Variants in DISC1 observed in about 807,000 individuals in gnomAD.
DISC1 encodes the protein DISC1 scaffold protein, also known as disrupted in schizophrenia 1 protein.
In DISC1, 57 loss-of-function variants were observed where a neutral mutation model predicts 84.5. That is an observed-to-expected ratio of 0.67 (90% CI 0.55 to 0.84). The LOEUF is 0.84. DISC1 is among the 40% of genes least tolerant of loss of function. DISC1 has a pLI of 0.00. For missense variants in DISC1, 1,000 were observed against 1,057.8 expected (o/e 0.95, Z 0.76); for synonymous variants, 411 against 415.2 (o/e 0.99, Z 0.12).
chr1:231,803,434 T>C (rs9432008), intron 8 of DISC1, among the ~76,000 whole-genome samples: 18,243 of 152,170 alleles, frequency 0.12, 1,213 homozygotes, highest in East Asian at 0.27. Flanking sequence ...GCTGGGTGGC[T>C]CTGACTCAGG....
At chr1:231,705,841 T>G (rs1473134116) in intron 3 of DISC1, among the ~76,000 whole-genome samples, 1 of 152,344 alleles carries the variant, frequency 6.6e-6, no homozygotes, top group African/African-American at 2.4e-5. Flanking sequence ...GCAGCCCTGT[T>G]CTGTCTCAGG....
At chr1:231,871,597 C>A (rs1558674392) in intron 9 of DISC1, among the ~76,000 whole-genome samples, 1 of 152,170 alleles carries the variant, frequency 6.6e-6, no homozygotes, top group Non-Finnish European at 1.5e-5. Flanking sequence ...CAGGTTCTAC[C>A]ATAGTTAGCC....
At chr1:231,849,655 A>G (rs1198217042) in intron 9 of DISC1, among the ~76,000 whole-genome samples, 1 of 152,224 alleles carries the variant, frequency 6.6e-6, no homozygotes, top group East Asian at 1.9e-4. Context: ...TTCCAAGTGT[A>G]TGATTTTAGG....
intron 9 of DISC1, among the ~76,000 whole-genome samples, chr1:231,887,256 C>G (rs1460881348): frequency 6.6e-6 from 1 of 152,208 alleles, no homozygotes; most frequent in Non-Finnish European, 1.5e-5. Context: ...TGAAGCAACT[C>G]TTAAAGACAG....
intron 1 of DISC1, among the ~76,000 whole-genome samples, chr1:231,651,363 C>T (rs2060607808): frequency 6.6e-6 from 1 of 152,212 alleles, no homozygotes; most frequent in African/African-American, 2.4e-5. Context: ...GAGGTCCACT[C>T]CAGACCCTGT....
chr1:231,923,015 C>T (rs1211181704), intron 9 of DISC1, among the ~76,000 whole-genome samples: 5 of 152,150 alleles, frequency 3.3e-5, no homozygotes, highest in Non-Finnish European at 5.9e-5. Flanking sequence ...TGGTGGCTCA[C>T]GCCTGCAATC....
chr1:231,776,787 A>G (rs557542758), intron 6 of DISC1, among the ~76,000 whole-genome samples: 5 of 152,216 alleles, frequency 3.3e-5, no homozygotes, highest in African/African-American at 9.6e-5. Flanking sequence ...CCTCAGAAAC[A>G]TATCTTATTA....
chr1:231,870,634 TG>T (rs1452580424), intron 9 of DISC1, among the ~76,000 whole-genome samples: 1 of 152,134 alleles, frequency 6.6e-6, no homozygotes, highest in African/African-American at 2.4e-5. Context: ...GTGGCATGTT[TG>T]GGGCTTGGGA....
At chr1:231,759,898 C>T (rs1024241364) in intron 4 of DISC1, among the ~76,000 whole-genome samples, 2 of 152,048 alleles carry the variant, frequency 1.3e-5, no homozygotes, top group African/African-American at 4.8e-5. Context: ...AAGTTGTGAG[C>T]CACAGAGGAC....
intron 6 of DISC1, among the ~76,000 whole-genome samples, chr1:231,789,758 T>C (rs904544028): frequency 6.6e-6 from 1 of 152,134 alleles, no homozygotes; most frequent in Non-Finnish European, 1.5e-5. Context: ...TTAAATTCCA[T>C]TTGCCCTTCT....
At chr1:231,847,203 T>C (rs1041465291) in intron 9 of DISC1, among the ~76,000 whole-genome samples, 3 of 152,142 alleles carry the variant, frequency 2.0e-5, no homozygotes, top group African/African-American at 4.8e-5. Context: ...TCTCCCTGCG[T>C]CCTCCCTCAC....
chr1:231,940,082 C>T (rs2091226145), intron 9 of DISC1, among the ~76,000 whole-genome samples: 1 of 151,872 alleles, frequency 6.6e-6, no homozygotes, highest in African/African-American at 2.4e-5. Flanking sequence ...AGCTGTTTCC[C>T]TCCTCCATGA....
intron 6 of DISC1, among the ~76,000 whole-genome samples, chr1:231,781,947 A>T (rs1025782063): frequency 6.6e-6 from 1 of 152,198 alleles, no homozygotes. Flanking sequence ...CTGAGAATTT[A>T]ATCAGTTAAG....
Position 231,954,035 on chromosome 1 carries a change from C to T in DISC1, c.1982-4793C>T, listed in dbSNP as rs1658957680. Among the ~76,000 whole-genome samples, 1 of 152,226 alleles carries T rather than the reference C, an allele frequency of 6.6e-6. No individual in the cohort carries two copies. ...GTTGGACTTCCTCCCACTTAACATT[C>T]TCCTACCTTCCGTGTTGACATTCTT... On this transcript the variant is annotated intron_variant, in intron 9 of 12. Coordinates refer to ENST00000439617, the MANE Select transcript of DISC1 (RefSeq NM_018662.3). The surrounding 1 kb of genome is among the most constrained non-coding windows in gnomAD (Gnocchi z 4.8).
At chr1:231,937,396 C>G (rs943276400) in intron 9 of DISC1, among the ~76,000 whole-genome samples, 5 of 152,202 alleles carry the variant, frequency 3.3e-5, no homozygotes, top group Admixed American at 6.5e-5. Context: ...GCATTTAGTG[C>G]TTTCAGAGAT....
intron 3 of DISC1, among the ~76,000 whole-genome samples, chr1:231,742,132 TCTA>T (rs758414721): frequency 3.5e-4 from 54 of 152,212 alleles, no homozygotes; most frequent in Non-Finnish European, 6.8e-4. Context: ...CTCTCCCTCA[TCTA>T]CTACTTTCCC....
Position 232,021,520 on chromosome 1 carries a change from G to A in DISC1, c.2308-4915G>A, listed in dbSNP as rs1287397148. ...GCCTAATGGCCATAGTGCCCTGCAT[G>A]GGTAGGAGTTCCCCTCCCTGAGAGA... On this transcript the variant is annotated intron_variant, in intron 11 of 12. Coordinates refer to ENST00000439617, the MANE Select transcript of DISC1 (RefSeq NM_018662.3). Among the ~76,000 whole-genome samples, 7 of 152,298 alleles carry A rather than the reference G, an allele frequency of 4.6e-5. No individual in the cohort carries two copies. The East Asian group carries it at 1.4e-3, about 29-fold the overall frequency.
At chr1:231,700,161 A>T (rs1360405444) in intron 2 of DISC1, among the ~76,000 whole-genome samples, 2 of 152,080 alleles carry the variant, frequency 1.3e-5, no homozygotes, top group African/African-American at 4.8e-5. Flanking sequence ...AGCATTAATC[A>T]CTTGCTAAGG....
chr1:231,882,100 T>C (rs2086330529), intron 9 of DISC1, among the ~76,000 whole-genome samples: 1 of 152,206 alleles, frequency 6.6e-6, no homozygotes, highest in African/African-American at 2.4e-5. Flanking sequence ...CTTTCAGGCT[T>C]TGCGGGCACA....
Sources: allele counts gnomAD v4.1 joint callset (sites outside exome capture counted in the v4.1 genomes callset), GRCh38; gene constraint gnomAD v4.1.1; non-coding constraint Gnocchi (gnomAD v3.1); transcripts MANE v1.5; gene names NCBI Gene and HGNC (gene_info 2026-07-23, HGNC 2026-07-21).